The following CHD6 variants were observed in gnomAD, a reference collection of about 807,000 sequenced individuals.
CHD6 encodes ATP-dependent chromatin remodeler CHD6.
A neutral mutation model predicts 276.9 loss-of-function variants in CHD6; 50 were observed. The observed-to-expected ratio is 0.18, with a 90% confidence interval of 0.14 to 0.23. The LOEUF is 0.23. Ranked by LOEUF, CHD6 falls within the 10% of genes least tolerant of loss-of-function variation. The pLI, the probability that CHD6 is intolerant of heterozygous loss-of-function variation, is 1.00. For synonymous variants in CHD6, 1,173 were observed against 1,229.3 expected (o/e 0.95, Z 0.96); for missense variants, 2,564 against 3,365.8 (o/e 0.76, Z 5.89).
At chr20:41,478,547 T>C (rs1342063413) in intron 16 of CHD6, among the ~76,000 whole-genome samples, 1 of 152,122 alleles carries the variant, frequency 6.6e-6, no homozygotes, top group Non-Finnish European at 1.5e-5. Context: ...GGAAGGTACC[T>C]AGGGCAACTA....
chr20:41,404,234 A>G lies in CHD6; in HGVS notation c.*359T>C. On this transcript the variant is annotated 3_prime_UTR_variant, in exon 37 of 37. Transcript: ENST00000373233. ...TTTGTCTCTGTTCTTCCACCCTTCA[A>G]TGGTAAAACCCTAGACAGCTTTCTT... The G allele has an allele frequency of 9.3e-7, 1 of 1,077,434 alleles. No individual in the cohort carries two copies. Among genetic ancestry groups the G allele is most frequent in the Non-Finnish European group, 1.1e-6 (1 of 888,424 alleles). 66.7% of individuals were successfully genotyped at this position (1,077,434 alleles called of 1,614,324 possible).
At chr20:41,430,390 T>C (rs1257323044) in intron 27 of CHD6, among the ~76,000 whole-genome samples, 1 of 152,252 alleles carries the variant, frequency 6.6e-6, no homozygotes, top group African/African-American at 2.4e-5. Context: ...CCCTCCAGTG[T>C]CCTCCTAATT....
At chr20:41,532,977 T>C in intron 3 of CHD6, 73 bp downstream of exon 3, 1 of 1,495,342 alleles carries the variant, frequency 6.7e-7, no homozygotes, top group Non-Finnish European at 8.9e-7. Context: ...CCTAGGGGCT[T>C]GGGCTAATGC....
At chr20:41,595,709 T>C (rs1330879101) in intron 1 of CHD6, among the ~76,000 whole-genome samples, 1 of 152,090 alleles carries the variant, frequency 6.6e-6, no homozygotes, top group Non-Finnish European at 1.5e-5. Flanking sequence ...GTAAGGGTAA[T>C]GAAAGGACTA....
At chr20:41,413,135 C>G (rs143738338) in intron 35 of CHD6, among the ~76,000 whole-genome samples, 189 bp downstream of exon 35, 100 of 152,296 alleles carry the variant, frequency 6.6e-4, no homozygotes, top group Admixed American at 2.5e-3. Flanking sequence ...GCTATCATTT[C>G]TATTACTGAA....
intron 4 of CHD6, among the ~76,000 whole-genome samples, chr20:41,513,314 C>T (rs2044165907): frequency 6.6e-6 from 1 of 152,088 alleles, no homozygotes; most frequent in African/African-American, 2.4e-5. Context: ...ATCCACTTCT[C>T]CTCCAATAAA....
chr20:41,552,969 C>T (rs2045168386), intron 1 of CHD6, among the ~76,000 whole-genome samples: 1 of 152,150 alleles, frequency 6.6e-6, no homozygotes. Flanking sequence ...AGTTATTTAC[C>T]TGAAGAATCC....
At position 41,403,888 on chromosome 20, in the gene CHD6, G is replaced by C; in HGVS notation, c.*705C>G. 2.8e-6 allele frequency: 3 copies of C among 1,056,880 alleles called. No homozygotes were observed. Among genetic ancestry groups the C allele is most frequent in the Non-Finnish European group, 3.4e-6 (3 of 874,042 alleles). The allele number at this position is 1,056,880 out of a possible 1,614,324, so 65.5% of individuals were successfully genotyped here. On this transcript the variant is annotated 3_prime_UTR_variant, in exon 37 of 37. Transcript: ENST00000373233. ...GGGTAAAGCTTTCTCGCAGCAAGAG[G>C]AATCTTTTCACTGGTGAGAGGGATG...
At chr20:41,525,270 C>A (rs1301632288) in intron 3 of CHD6, among the ~76,000 whole-genome samples, 5 of 152,196 alleles carry the variant, frequency 3.3e-5, no homozygotes, top group African/African-American at 1.2e-4. Flanking sequence ...GCCCTAGCCC[C>A]TTCCCCAGGG....
chr20:41,590,549 G>C (rs1470719532), intron 1 of CHD6, among the ~76,000 whole-genome samples: 2 of 152,150 alleles, frequency 1.3e-5, no homozygotes, highest in East Asian at 3.8e-4. Context: ...AGTGGGCAAA[G>C]GATATGAACA....
At chr20:41,536,680 A>G (rs1387518388) in intron 2 of CHD6, among the ~76,000 whole-genome samples, 1 of 152,224 alleles carries the variant, frequency 6.6e-6, no homozygotes, top group African/African-American at 2.4e-5. Context: ...CTCAGGCAAC[A>G]AAAACCATTA....
chr20:41,421,136 G>A lies in CHD6; in HGVS notation c.5499C>T (p.Asp1833=), dbSNP rs1186231379. ...FVDMCSLSVC[D]SKRNLSSDQQ... Reference sequence around the variant, plus strand: ...GATCTGATGACAGGTTTCTTTTGGAGTCACAGACACTAAGACTGCACATAT... The same window carrying A: ...GATCTGATGACAGGTTTCTTTTGGAATCACAGACACTAAGACTGCACATAT... Residue 1833 remains aspartate (D), a synonymous_variant, in exon 31 of 37, where the codon GAC becomes GAT. Coordinates refer to ENST00000373233, the MANE Select transcript of CHD6 (RefSeq NM_032221.5). The A allele has an allele frequency of 6.2e-7, 1 of 1,614,068 alleles. No homozygotes were observed. The highest frequency in any genetic ancestry group is 2.2e-5 in the East Asian group (1 of 44,882).
intron 1 of CHD6, among the ~76,000 whole-genome samples, chr20:41,592,012 T>C (rs960921984): frequency 6.6e-6 from 1 of 152,012 alleles, no homozygotes; most frequent in Non-Finnish European, 1.5e-5. Flanking sequence ...GGCAAGAGAA[T>C]GGCGTGAACC....
chr20:41,488,555 A>G lies in CHD6; in HGVS notation c.1730T>C (p.Phe577Ser). Residue 577 changes from phenylalanine (F) to serine (S), a missense_variant, in exon 13 of 37, where the codon TTT becomes TCT. Physicochemically the swap from Phe to Ser is radical, Grantham distance 155. Around this residue, in one of 7 missense-constraint regions of CHD6, gnomAD observed 457 missense variants for 889.0 expected, o/e 0.51. Coordinates refer to ENST00000373233, the MANE Select transcript of CHD6 (RefSeq NM_032221.5). Reference protein sequence around the residue: ...VFKFHVVITTFEMILADCPEL... With the variant: ...VFKFHVVITTSEMILADCPEL... ...TGGGCAGTCTGCTAGGATCATTTCA[A>G]ATGTTGTGATGACGACGTGGAACTT... The G allele has an allele frequency of 6.2e-7, 1 of 1,613,840 alleles. No individual in the cohort carries two copies. The highest frequency in any genetic ancestry group is 8.5e-7 in the Non-Finnish European group (1 of 1,179,848).
intron 27 of CHD6, among the ~76,000 whole-genome samples, chr20:41,432,162 A>G (rs967370448): frequency 6.8e-6 from 1 of 147,302 alleles, no homozygotes; most frequent in Non-Finnish European, 1.5e-5. Context: ...CTCCGTCTCA[A>G]AAAAAAAAAA....
chr20:41,503,137 G>T (rs2145917476), intron 5 of CHD6, among the ~76,000 whole-genome samples: 1 of 152,180 alleles, frequency 6.6e-6, no homozygotes, highest in South Asian at 2.1e-4. Flanking sequence ...TTATTCCAGG[G>T]TATCTGATAG....
intron 1 of CHD6, among the ~76,000 whole-genome samples, chr20:41,562,192 T>C (rs180963799): frequency 9.4e-4 from 143 of 152,296 alleles, no homozygotes; most frequent in Non-Finnish European, 1.6e-3. Context: ...TCTTTATAGC[T>C]AATATGTTTT....
At chr20:41,590,760 T>G (rs1429334949) in intron 1 of CHD6, among the ~76,000 whole-genome samples, 1 of 152,048 alleles carries the variant, frequency 6.6e-6, no homozygotes, top group Admixed American at 6.6e-5. Context: ...ACACTGTTGG[T>G]GGGACTGTAA....
intron 31 of CHD6, among the ~76,000 whole-genome samples, chr20:41,419,346 G>A (rs1432659041): frequency 1.3e-5 from 2 of 151,830 alleles, no homozygotes; most frequent in East Asian, 3.9e-4. Context: ...TTGGGAGGCT[G>A]AGGCAAGTGG....
Sources: allele counts gnomAD v4.1 joint callset (sites outside exome capture counted in the v4.1 genomes callset), GRCh38; gene constraint gnomAD v4.1.1; regional missense constraint gnomAD v4.1.1; transcripts MANE v1.5; gene names NCBI Gene and HGNC (gene_info 2026-07-23, HGNC 2026-07-21).